Variants in LRRC7 observed in about 807,000 individuals in gnomAD.
LRRC7 encodes leucine rich repeat containing 7.
LRRC7 carries 23 observed loss-of-function variants against 175.7 expected under a neutral mutation model. The observed-to-expected ratio is 0.13, with a 90% CI of 0.09 to 0.19. The LOEUF is 0.19. LRRC7 is among the 10% of genes least tolerant of loss of function. The pLI is 1.00. For missense variants in LRRC7, 1,354 were observed against 1,904.7 expected, an observed-to-expected ratio of 0.71 and a Z score of 5.38; for synonymous variants, 685 against 680.9, an observed-to-expected ratio of 1.01 and a Z score of -0.09.
At chr1:70,027,198 C>T (rs1269433487) in intron 17 of LRRC7, among the ~76,000 whole-genome samples, 1 of 152,108 alleles carries the variant, frequency 6.6e-6, no homozygotes, top group East Asian at 1.9e-4. Flanking sequence ...AGATGCAAAA[C>T]AGTATTGTTG....
intron 2 of LRRC7, among the ~76,000 whole-genome samples, chr1:69,701,500 A>G (rs78032073): frequency 0.13 from 20,112 of 152,200 alleles, 1,705 homozygotes; most frequent in South Asian, 0.21. Context: ...TTTTCATTTA[A>G]AAAAAACCAT....
At chr1:69,701,373 C>G (rs887940177) in intron 2 of LRRC7, among the ~76,000 whole-genome samples, 4 of 152,158 alleles carry the variant, frequency 2.6e-5, no homozygotes, top group African/African-American at 9.7e-5. Flanking sequence ...GAAACACGGA[C>G]TGTGATCTGT....
rs757882298 is a variant in LRRC7, at chr1:70,053,069, A to T, written c.4154A>T (p.Asp1385Val). The T allele has an allele frequency of 6.2e-7, 1 of 1,611,204 alleles. No homozygotes were observed. Among genetic ancestry groups the T allele is most frequent in the Non-Finnish European group, 8.5e-7 (1 of 1,178,528 alleles). ...AACATTTTAGACAATGGACAAGAAGATGTATCTCCTAGTGGCCAATGGAAT... is the reference window on the plus strand; with the variant it reads ...AACATTTTAGACAATGGACAAGAAGTTGTATCTCCTAGTGGCCAATGGAAT... ...QSNILDNGQE[D>V]VSPSGQWNPY... is the part of the protein sequence containing the mutation. The change falls in exon 23 of 27, where the codon GAT (aspartate) becomes GTT (valine). Residue 1385 changes from aspartate to valine, a missense_variant. Physicochemically the swap from Asp to Val is radical, Grantham distance 152 (BLOSUM62 -3). Around this residue, in one of 4 missense-constraint regions of LRRC7, gnomAD observed 1,032 missense variants for 1,227.2 expected, o/e 0.84. Transcript: ENST00000651989.
chr1:70,063,870 T>G (rs1317563236), intron 23 of LRRC7, among the ~76,000 whole-genome samples: 1 of 152,046 alleles, frequency 6.6e-6, no homozygotes, highest in Non-Finnish European at 1.5e-5. Flanking sequence ...TATGTTTTGT[T>G]GGTTGACATT....
intron 23 of LRRC7, among the ~76,000 whole-genome samples, chr1:70,070,039 G>A (rs553086472): frequency 2.2e-4 from 34 of 152,016 alleles, no homozygotes; most frequent in African/African-American, 7.7e-4. Context: ...TGTCTTCCAG[G>A]CTAGAGTGCA....
chr1:69,747,929 A>G (rs555836481), intron 2 of LRRC7, among the ~76,000 whole-genome samples: 337 of 152,196 alleles, frequency 2.2e-3, no homozygotes, highest in African/African-American at 7.7e-3. Context: ...CATGCCTTTA[A>G]CTTCCTTGCA....
intron 1 of LRRC7, among the ~76,000 whole-genome samples, chr1:69,663,745 C>T (rs1265672468): frequency 5.2e-5 from 6 of 116,118 alleles, no homozygotes; most frequent in African/African-American, 1.7e-4. Context: ...GACGGAGTCT[C>T]GCTCTGTCGC....
chr1:69,989,072 A>T (rs889312941), intron 10 of LRRC7, among the ~76,000 whole-genome samples: 3 of 152,226 alleles, frequency 2.0e-5, no homozygotes, highest in Non-Finnish European at 4.4e-5. Context: ...TAGGTGTTAT[A>T]GCCAAATAAT....
chr1:69,783,387 ACC>A (rs1674001649), intron 3 of LRRC7, among the ~76,000 whole-genome samples: 1 of 152,210 alleles, frequency 6.6e-6, no homozygotes, highest in South Asian at 2.1e-4. Flanking sequence ...CCAGAAACTA[ACC>A]CACACTTAAG....
chr1:69,699,824 G>C (rs1448151857), intron 2 of LRRC7, among the ~76,000 whole-genome samples: 3 of 152,152 alleles, frequency 2.0e-5, no homozygotes, highest in African/African-American at 7.2e-5. Context: ...ATGCAGCCGG[G>C]TAGCCTCGCA....
chr1:69,993,312 A>T (rs1391419277), intron 10 of LRRC7, among the ~76,000 whole-genome samples: 1 of 152,140 alleles, frequency 6.6e-6, no homozygotes, highest in Non-Finnish European at 1.5e-5. Context: ...TAGTGATAAC[A>T]TTTCTCTCTA....
intron 8 of LRRC7, among the ~76,000 whole-genome samples, chr1:69,944,900 A>C (rs976193758): frequency 6.6e-6 from 1 of 151,824 alleles, no homozygotes; most frequent in South Asian, 2.1e-4. Flanking sequence ...CATATATTTT[A>C]GATATTGATC....
chr1:70,031,875 T>G (rs997063829), intron 18 of LRRC7, among the ~76,000 whole-genome samples: 1 of 151,962 alleles, frequency 6.6e-6, no homozygotes, highest in East Asian at 1.9e-4. Flanking sequence ...CTCAGCTCAC[T>G]GCAACTTCCG....
intron 4 of LRRC7, among the ~76,000 whole-genome samples, chr1:69,823,282 A>G (rs1474977017): frequency 6.6e-6 from 1 of 152,202 alleles, no homozygotes; most frequent in Admixed American, 6.6e-5. Context: ...TTACTCAGAT[A>G]CTAAAATGTC....
chr1:69,733,908 C>A (rs887087691), intron 2 of LRRC7, among the ~76,000 whole-genome samples: 2 of 152,030 alleles, frequency 1.3e-5, no homozygotes, highest in African/African-American at 4.8e-5. Flanking sequence ...CACCAACCAA[C>A]TCAGCTAGTG....
At chr1:69,870,739 A>G (rs1452986371) in intron 7 of LRRC7, among the ~76,000 whole-genome samples, 2 of 152,130 alleles carry the variant, frequency 1.3e-5, no homozygotes, top group African/African-American at 4.8e-5. Flanking sequence ...AATTCTCCCA[A>G]CATTCTATCA....
At chr1:69,917,607 A>G (rs1167384296) in intron 7 of LRRC7, among the ~76,000 whole-genome samples, 1 of 152,158 alleles carries the variant, frequency 6.6e-6, no homozygotes, top group Non-Finnish European at 1.5e-5. Flanking sequence ...TCTAGTGGGT[A>G]CTTTGGATGC....
At chr1:69,633,699 G>C (rs2100391049) in intron 1 of LRRC7, among the ~76,000 whole-genome samples, 1 of 152,170 alleles carries the variant, frequency 6.6e-6, no homozygotes, top group Admixed American at 6.5e-5. Flanking sequence ...AAAGTGCTGG[G>C]ATTACAGGCA....
intron 4 of LRRC7, among the ~76,000 whole-genome samples, chr1:69,823,395 T>C (rs554313329): frequency 6.6e-6 from 1 of 152,316 alleles, no homozygotes; most frequent in South Asian, 2.1e-4. Flanking sequence ...TAGTTTTTCT[T>C]TCAATCATTC....
Sources: gnomAD v4.1 joint callset for allele counts (sites outside exome capture counted in the v4.1 genomes callset) on GRCh38, gnomAD v4.1.1 for gene constraint, gnomAD v4.1.1 regional missense constraint, MANE v1.5 for transcripts, NCBI Gene and HGNC (gene_info 2026-07-23, HGNC 2026-07-21) for gene names.